The following SENP7 variants were observed in gnomAD, a reference collection of about 807,000 sequenced individuals.
SENP7 encodes the protein SUMO specific peptidase 7, also known as sentrin-specific protease 7.
In SENP7, 64 loss-of-function variants were observed where a neutral mutation model predicts 141.2. The observed-to-expected ratio is 0.45, with a 90% CI of 0.37 to 0.56. The LOEUF is 0.56. Ranked by LOEUF, SENP7 falls within the 20% of genes least tolerant of loss-of-function variation. SENP7 has a pLI of 0.00. For missense variants in SENP7, 1,025 were observed against 1,212.2 expected (o/e 0.85, Z 2.29); for synonymous variants, 382 against 426.4 (o/e 0.90, Z 1.28).
At chr3:101,334,429 A>G (rs997568112) in intron 17 of SENP7, among the ~76,000 whole-genome samples, 4 of 152,158 alleles carry the variant, frequency 2.6e-5, no homozygotes, top group African/African-American at 9.7e-5. Context: ...AAAAAAGGCA[A>G]ACCATTACAT....
intron 3 of SENP7, among the ~76,000 whole-genome samples, chr3:101,490,603 G>C (rs891826142): frequency 6.6e-6 from 1 of 151,988 alleles, no homozygotes; most frequent in African/African-American, 2.4e-5. Context: ...ATGAAAACAA[G>C]GAAAATTTCT....
Position 101,504,332 on chromosome 3 carries a change from G to A in SENP7, c.41-3213C>T, listed in dbSNP as rs1397646525. 5.3e-5 allele frequency among the ~76,000 whole-genome samples: 8 copies of A among 151,178 alleles called. No homozygotes were observed. The South Asian group carries it at 8.3e-4, about 16-fold the overall frequency. On this transcript the variant is annotated intron_variant, in intron 1 of 23. Transcript: ENST00000394095. ...AAATTAGCTGGGTGTAGTGGCAGGT[G>A]CCTATAATCCCAGCTACTCAGGAGG...
intron 1 of SENP7, among the ~76,000 whole-genome samples, chr3:101,506,042 A>C (rs2065594631): frequency 2.1e-5 from 2 of 93,872 alleles, no homozygotes; most frequent in African/African-American, 3.4e-5. Context: ...TTTTTTTGAG[A>C]CGGAGTCTTG....
chr3:101,510,238 G>A (rs1313936944), intron 1 of SENP7, among the ~76,000 whole-genome samples: 1 of 152,166 alleles, frequency 6.6e-6, no homozygotes, highest in Non-Finnish European at 1.5e-5. Flanking sequence ...TTTTTAATGT[G>A]TATCACCATC....
At chr3:101,452,600 A>C (rs996481260) in intron 4 of SENP7, among the ~76,000 whole-genome samples, 3 of 152,232 alleles carry the variant, frequency 2.0e-5, no homozygotes, top group African/African-American at 7.2e-5. Flanking sequence ...ACCTAACAAA[A>C]ACAAGAAATG....
chr3:101,467,874 A>C (rs952610250), intron 3 of SENP7, among the ~76,000 whole-genome samples: 1 of 152,224 alleles, frequency 6.6e-6, no homozygotes, highest in Non-Finnish European at 1.5e-5. Context: ...GCTGACAGAA[A>C]TAGGCTTCAG....
chr3:101,414,169 G>A, intron 5 of SENP7: 2 of 536,392 alleles, frequency 3.7e-6, no homozygotes, highest in South Asian at 2.5e-5. Context: ...CAGATTTAGG[G>A]GTTAAAAATA....
intron 12 of SENP7, among the ~76,000 whole-genome samples, chr3:101,348,471 A>G (rs1321667417): frequency 6.6e-6 from 1 of 152,168 alleles, no homozygotes; most frequent in African/African-American, 2.4e-5. Flanking sequence ...TAAGCACAGT[A>G]TAACTCAGAA....
intron 4 of SENP7, among the ~76,000 whole-genome samples, chr3:101,450,802 A>G (rs2063102345): frequency 6.6e-6 from 1 of 152,220 alleles, no homozygotes; most frequent in South Asian, 2.1e-4. Context: ...CAATTAAAAG[A>G]ACTAGAGAAG....
chr3:101,357,691 T>C, intron 11 of SENP7: 1 of 720,282 alleles, frequency 1.4e-6, no homozygotes, highest in South Asian at 1.5e-5. Context: ...TTCAATGTGA[T>C]AAATATGTGA....
chr3:101,389,541 C>T (rs1220523765), intron 6 of SENP7, among the ~76,000 whole-genome samples: 1 of 151,920 alleles, frequency 6.6e-6, no homozygotes, highest in East Asian at 1.9e-4. Context: ...GCCAAGGATA[C>T]CATACCTAGC....
In SENP7 at chr3:101,436,544, A is replaced by T. The variant is rs527865775; in HGVS notation, c.285-18754T>A. Among the ~76,000 whole-genome samples the T allele has an allele frequency of 2.6e-5, 4 of 152,350 alleles. No individual in the cohort carries two copies. In the East Asian group the frequency reaches 7.7e-4, roughly 29 times the overall value. On this transcript the variant is annotated intron_variant, in intron 4 of 23. Coordinates refer to ENST00000394095, the MANE Select transcript of SENP7 (RefSeq NM_020654.5). ...CCCATCTGACAAGGGATCAATAACC[A>T]GAATATACAAAGAGTCCAAACAACC...
intron 12 of SENP7, among the ~76,000 whole-genome samples, chr3:101,350,015 G>T (rs553458138): frequency 6.6e-6 from 1 of 152,112 alleles, no homozygotes; most frequent in South Asian, 2.1e-4. Flanking sequence ...ATCCAAGAAG[G>T]CTCCTTAAAA....
chr3:101,359,383 A>G (rs1010131464), intron 11 of SENP7: 1 of 149,148 alleles, frequency 6.7e-6, no homozygotes, highest in Non-Finnish European at 1.5e-5. Context: ...ATTTATATAT[A>G]ATATATATAA....
chr3:101,328,589 T>C, intron 21 of SENP7, 43 bp from the exon 22 acceptor site: 1 of 1,601,290 alleles, frequency 6.2e-7, no homozygotes, highest in Non-Finnish European at 8.6e-7. Flanking sequence ...CATACTTGTA[T>C]ACAAAGTATA....
chr3:101,348,186 T>C, intron 12 of SENP7, 135 bp from the exon 13 acceptor site: 1 of 553,000 alleles, frequency 1.8e-6, no homozygotes, highest in East Asian at 3.2e-5. Context: ...AAAAATATAT[T>C]TCCAGTGCAC....
At position 101,381,428 on chromosome 3, in the gene SENP7, T is replaced by C. The variant is rs192540713; in HGVS notation, c.678-9302A>G. 2.7e-3 allele frequency among the ~76,000 whole-genome samples: 418 copies of C among 152,246 alleles called. 1 individual carries two copies. The highest frequency in any genetic ancestry group is 9.7e-3 in the African/African-American group (401 of 41,548). On this transcript the variant is annotated intron_variant, in intron 6 of 23. Coordinates refer to ENST00000394095, the MANE Select transcript of SENP7 (RefSeq NM_020654.5). ...TAAAAATAACACTATTTTTCATGAT[T>C]ATAATCATTTAATCCAGAAAAATAT...
intron 6 of SENP7, among the ~76,000 whole-genome samples, chr3:101,393,398 G>A (rs1443835325): frequency 2.6e-5 from 4 of 152,110 alleles, no homozygotes. Context: ...AGAGTGGAGA[G>A]ACAACCTATA....
chr3:101,458,030 G>C (rs2063416051), intron 4 of SENP7, among the ~76,000 whole-genome samples: 1 of 152,100 alleles, frequency 6.6e-6, no homozygotes, highest in Non-Finnish European at 1.5e-5. Context: ...AAATCTTTTT[G>C]GGAAACCAAG....
Sources: gnomAD v4.1 joint callset for allele counts (sites outside exome capture counted in the v4.1 genomes callset) on GRCh38, gnomAD v4.1.1 for gene constraint, MANE v1.5 for transcripts, NCBI Gene and HGNC (gene_info 2026-07-23, HGNC 2026-07-21) for gene names.